ODAD2: variants seen among roughly 807,000 people sequenced by gnomAD.
ODAD2 encodes the protein outer dynein arm-docking complex subunit 2.
A neutral mutation model predicts 106.8 loss-of-function variants in ODAD2; 89 were observed. That is an observed-to-expected ratio of 0.83 (90% CI 0.70 to 0.99). The LOEUF is 0.99. ODAD2 is among the 50% of genes least tolerant of loss of function. The pLI, the probability that ODAD2 is intolerant of heterozygous loss-of-function variation, is 0.00. For missense variants in ODAD2, 1,168 were observed against 1,238.5 expected, an observed-to-expected ratio of 0.94 and a Z score of 0.85; for synonymous variants, 404 against 436.2, an observed-to-expected ratio of 0.93 and a Z score of 0.92.
intron 17 of ODAD2, among the ~76,000 whole-genome samples, chr10:27,876,335 T>A (rs1841340110): frequency 1.3e-5 from 2 of 152,144 alleles, no homozygotes; most frequent in African/African-American, 4.8e-5. Context: ...CGGGTACCCC[T>A]CTGAGACAAA....
intron 19 of ODAD2, among the ~76,000 whole-genome samples, chr10:27,819,574 TAAAAAAAAAAA>T (rs56031733): frequency 1.4e-5 from 1 of 74,014 alleles, no homozygotes; most frequent in Non-Finnish European, 2.6e-5. Context: ...CCCTGTCTCT[TAAAAAAAAAAA>T]AAAAAAAAAA....
At chr10:27,885,696 A>AAATATATATTATATATTATATAT (rs1491556365) in intron 17 of ODAD2, among the ~76,000 whole-genome samples, 1 of 44,478 alleles carries the variant, frequency 2.2e-5, no homozygotes, top group Non-Finnish European at 3.8e-5. Context: ...ATAATATATA[A>AAATATATATTATATATTATATAT]TATATATAAA....
At chr10:27,932,378 G>A (rs956723687) in intron 16 of ODAD2, among the ~76,000 whole-genome samples, 23 of 152,266 alleles carry the variant, frequency 1.5e-4, no homozygotes, top group African/African-American at 3.9e-4. Flanking sequence ...TACTGACTGC[G>A]TATTTTTGCA....
chr10:27,977,227 A>G (rs116574877), intron 7 of ODAD2, among the ~76,000 whole-genome samples: 1,731 of 152,234 alleles, frequency 0.011, 28 homozygotes, highest in African/African-American at 0.04. Context: ...CTGTTTCAAA[A>G]TTGAAGACTC....
intron 8 of ODAD2, among the ~76,000 whole-genome samples, chr10:27,969,594 T>C (rs1848701422): frequency 6.6e-6 from 1 of 152,262 alleles, no homozygotes; most frequent in South Asian, 2.1e-4. Context: ...CCAAAATTGA[T>C]GAGAATCAAT....
chr10:27,976,455 C>T lies in ODAD2; in HGVS notation c.936+5011G>A, dbSNP rs112897095. On this transcript the variant is annotated intron_variant, in intron 7 of 19. Transcript: ENST00000305242. ...TACAAAAATCAAGTGTATATTTATA[C>T]AATAGCAACAAATGACTAAAAATAG... is the stretch of plus-strand genomic sequence containing the variant. 3.9e-5 allele frequency among the ~76,000 whole-genome samples: 6 copies of T among 151,996 alleles called. 1 individual carries two copies. The highest frequency in any genetic ancestry group is 1.4e-4 in the African/African-American group (6 of 41,468).
intron 16 of ODAD2, among the ~76,000 whole-genome samples, chr10:27,910,284 C>T (rs1315148686): frequency 6.6e-6 from 1 of 152,144 alleles, no homozygotes; most frequent in Non-Finnish European, 1.5e-5. Flanking sequence ...GCTTGTTAAA[C>T]GATTCTCAAC....
intron 17 of ODAD2, among the ~76,000 whole-genome samples, chr10:27,884,081 G>A (rs1293550162): frequency 6.6e-6 from 1 of 152,086 alleles, no homozygotes; most frequent in African/African-American, 2.4e-5. Context: ...GTATCTTAAT[G>A]AATTTTATGT....
intron 16 of ODAD2, among the ~76,000 whole-genome samples, chr10:27,927,263 G>C (rs1049826192): frequency 2.0e-5 from 3 of 151,960 alleles, no homozygotes; most frequent in African/African-American, 7.2e-5. Context: ...TGTGCTAAGG[G>C]TTTATATGTT....
intron 16 of ODAD2, among the ~76,000 whole-genome samples, chr10:27,931,271 G>A (rs909936214): frequency 6.6e-6 from 1 of 152,116 alleles, no homozygotes; most frequent in South Asian, 2.1e-4. Context: ...TTGCAGGTGC[G>A]TTTTACATTT....
At chr10:27,940,497 GAAACA>G (rs1223236847) in intron 13 of ODAD2, 61 bp downstream of exon 13, 1 of 1,585,096 alleles carries the variant, frequency 6.3e-7, no homozygotes, top group Non-Finnish European at 8.6e-7. Flanking sequence ...GATAACCTTA[GAAACA>G]ACTTTTGGAC....
At chr10:27,858,052 C>G (rs1029898961) in intron 19 of ODAD2, among the ~76,000 whole-genome samples, 7 of 152,168 alleles carry the variant, frequency 4.6e-5, no homozygotes, top group African/African-American at 1.7e-4. Flanking sequence ...ATTGAACCAC[C>G]CTGATGTGCC....
intron 10 of ODAD2, among the ~76,000 whole-genome samples, chr10:27,953,372 T>A (rs977050263): frequency 6.6e-6 from 1 of 152,208 alleles, no homozygotes; most frequent in African/African-American, 2.4e-5. Flanking sequence ...GGCACTTGTA[T>A]AGAACTCCCT....
chr10:27,928,643 A>G (rs769187771), intron 16 of ODAD2, among the ~76,000 whole-genome samples: 10 of 152,180 alleles, frequency 6.6e-5, no homozygotes, highest in Non-Finnish European at 1.2e-4. Flanking sequence ...TTTATGGCAA[A>G]TTAAATAACA....
intron 10 of ODAD2, among the ~76,000 whole-genome samples, 168 bp from the exon 11 acceptor site, chr10:27,945,130 A>C (rs1370404685): frequency 6.6e-6 from 1 of 152,222 alleles, no homozygotes; most frequent in Non-Finnish European, 1.5e-5. Context: ...GAGCATCATA[A>C]AACATTGTTC....
At chr10:27,902,779 C>T (rs184972566) in intron 17 of ODAD2, among the ~76,000 whole-genome samples, 1 of 152,060 alleles carries the variant, frequency 6.6e-6, no homozygotes, top group Admixed American at 6.6e-5. Context: ...AGACCAATAA[C>T]AAGTTCTGAA....
intron 9 of ODAD2, among the ~76,000 whole-genome samples, chr10:27,966,212 T>C (rs1350698842): frequency 6.6e-6 from 1 of 152,200 alleles, no homozygotes; most frequent in Middle Eastern, 3.2e-3. Flanking sequence ...AGGGAAAGCC[T>C]GAATTCAAGC....
chr10:27,981,465 C>T lies in ODAD2; in HGVS notation c.936+1G>A. On this transcript the variant is annotated splice_donor_variant, in intron 7 of 19. Coordinates refer to ENST00000305242, the MANE Select transcript of ODAD2 (RefSeq NM_018076.5). LOFTEE classifies it high-confidence loss of function. The stretch of plus-strand genomic sequence containing the variant: ...AGCTCAAAAGAAACCATAAAACTTA[C>T]CAATTTAGACATATTTTCTGAAAAT... 2 of 1,497,526 alleles carry T rather than the reference C, an allele frequency of 1.3e-6. No homozygotes were observed. The highest frequency in any genetic ancestry group is 1.8e-6 in the Non-Finnish European group (2 of 1,132,502). 92.8% of individuals were successfully genotyped at this position (1,497,526 alleles called of 1,614,324 possible). A position where few individuals can be genotyped will look rare whatever the true frequency, so the allele number is the denominator to read the frequency against.
rs199836959 is a variant in ODAD2 at position 27,944,346 on chromosome 10, A to G, written c.1619T>C (p.Met540Thr). The change falls in exon 12 of 20, where the codon ATG (methionine) becomes ACG (threonine). Residue 540 changes from methionine to threonine, a missense_variant. By Grantham distance (81) the Met-to-Thr change is moderately conservative. This residue lies in a region of ODAD2 where 701 missense variants were observed against 712.3 expected (regional missense o/e 0.98). Coordinates refer to ENST00000305242, the MANE Select transcript of ODAD2 (RefSeq NM_018076.5). ...NIVDLGGLPIMVNILDSPHKS... is the reference protein window; with the variant it reads ...NIVDLGGLPITVNILDSPHKS... ...GTGTGGAGAATCAAGTATATTCACC[A>G]TAATTGGTAAGCCCCCAAGGTCAAC... 110 of 1,614,090 alleles carry G rather than the reference A, an allele frequency of 6.8e-5. No homozygotes were observed. The highest frequency in any genetic ancestry group is 1.2e-4 in the Admixed American group (7 of 60,024).
Sources: gnomAD v4.1 joint callset for allele counts (sites outside exome capture counted in the v4.1 genomes callset) on GRCh38, gnomAD v4.1.1 for gene constraint, gnomAD v4.1.1 regional missense constraint, MANE v1.5 for transcripts, NCBI Gene and HGNC (gene_info 2026-07-23, HGNC 2026-07-21) for gene names.